Variants in SLIT3 observed in about 807,000 individuals in gnomAD.
SLIT3 encodes the protein slit guidance ligand 3, also known as slit homolog 3 protein.
In SLIT3, 68 loss-of-function variants were observed where a neutral mutation model predicts 184.0. The observed-to-expected ratio is 0.37, with a 90% CI of 0.30 to 0.45. The LOEUF (loss-of-function observed/expected upper bound fraction) is 0.45, where lower values mean the gene tolerates loss of function less well. SLIT3 is among the 20% of genes least tolerant of loss of function. SLIT3 has a pLI of 1.00. For synonymous variants in SLIT3, 831 were observed against 828.6 expected (o/e 1.00, Z -0.05); for missense variants, 1,707 against 2,026.0 (o/e 0.84, Z 3.02).
At chr5:168,711,785 A>T (rs1186587003) in intron 24 of SLIT3, among the ~76,000 whole-genome samples, 3 of 152,192 alleles carry the variant, frequency 2.0e-5, no homozygotes, top group Non-Finnish European at 4.4e-5. Flanking sequence ...CCTGATAGTC[A>T]AACTTTAGCT....
rs144640319 is a variant in SLIT3 at position 168,891,066 on chromosome 5, G to A, written c.414-7730C>T. Among the ~76,000 whole-genome samples, 880 of 152,260 alleles carry A rather than the reference G, an allele frequency of 5.8e-3. 9 individuals carry two copies. The highest frequency in any genetic ancestry group is 0.02 in the African/African-American group (843 of 41,558). ...TAGGCATCAGAGATAATGGACAAGC[G>A]AGTGCTTTCTAAACTCTTATGCAGT... is the stretch of plus-strand genomic sequence containing the variant. On this transcript the variant is annotated intron_variant, in intron 4 of 35. Transcript: ENST00000519560.
At chr5:169,182,165 G>T (rs942180489) in intron 4 of SLIT3, among the ~76,000 whole-genome samples, 1 of 152,032 alleles carries the variant, frequency 6.6e-6, no homozygotes, top group Non-Finnish European at 1.5e-5. Context: ...CCATAAGTAG[G>T]GTGAGGAGAA....
At chr5:168,669,328 G>A (rs1582508519) in intron 35 of SLIT3, among the ~76,000 whole-genome samples, 1 of 152,190 alleles carries the variant, frequency 6.6e-6, no homozygotes, top group African/African-American at 2.4e-5. Flanking sequence ...GACCCTCAAA[G>A]AGCCTGTGTA....
At chr5:168,755,413 CTT>C (rs201247958) in intron 16 of SLIT3, among the ~76,000 whole-genome samples, 3 of 25,484 alleles carry the variant, frequency 1.2e-4, no homozygotes, top group African/African-American at 6.5e-4. Context: ...TTCTTTCTTT[CTT>C]TCTTTCTTTC....
intron 4 of SLIT3, among the ~76,000 whole-genome samples, chr5:168,930,865 G>T (rs1341245079): frequency 6.6e-6 from 1 of 151,774 alleles, no homozygotes; most frequent in Non-Finnish European, 1.5e-5. Flanking sequence ...GGTGCCACAT[G>T]CCATGAGTGA....
intron 12 of SLIT3, among the ~76,000 whole-genome samples, chr5:168,782,568 G>A (rs1756012643): frequency 2.0e-5 from 3 of 152,210 alleles, no homozygotes; most frequent in South Asian, 2.1e-4. Context: ...AGGTAGAGGA[G>A]CAAGACCATT....
At chr5:168,984,643 G>A (rs1185955362) in intron 4 of SLIT3, among the ~76,000 whole-genome samples, 1 of 152,086 alleles carries the variant, frequency 6.6e-6, no homozygotes, top group Non-Finnish European at 1.5e-5. Flanking sequence ...AAAACCACTT[G>A]TGCCCTACTT....
At position 168,785,835 on chromosome 5, in the gene SLIT3, T is replaced by C. The variant is rs770274767; in HGVS notation, c.1151+72A>G. ...AAAGTCAAAAGAACTCTCCAGAGCA[T>C]GGCTCAACGTTTTCAGGTGGGAGCC... On this transcript the variant is annotated intron_variant, in intron 12 of 35. Coordinates refer to ENST00000519560, the MANE Select transcript of SLIT3 (RefSeq NM_003062.4). The C allele has an allele frequency of 4.5e-6, 5 of 1,106,362 alleles. No homozygotes were observed. The South Asian group carries it at 6.3e-5, about 14-fold the overall frequency. 68.5% of individuals were successfully genotyped at this position (1,106,362 alleles called of 1,614,324 possible). A position where few individuals can be genotyped will look rare whatever the true frequency, so the allele number is the denominator to read the frequency against.
At chr5:169,163,476 T>A (rs79089910) in intron 4 of SLIT3, among the ~76,000 whole-genome samples, 4,423 of 152,290 alleles carry the variant, frequency 0.029, 85 homozygotes, top group South Asian at 0.095. Flanking sequence ...ACACAGGCTT[T>A]CTGAGCCAGG....
chr5:168,673,895 C>G (rs952291229), intron 32 of SLIT3, among the ~76,000 whole-genome samples: 1 of 135,106 alleles, frequency 7.4e-6, no homozygotes, highest in Non-Finnish European at 1.6e-5. Flanking sequence ...ATTCCCAGAC[C>G]ACCTTCTCAA....
At chr5:169,220,043 G>T (rs1420288029) in intron 3 of SLIT3, among the ~76,000 whole-genome samples, 1 of 152,112 alleles carries the variant, frequency 6.6e-6, no homozygotes, top group Non-Finnish European at 1.5e-5. Flanking sequence ...CAATGATGGG[G>T]ATCCTGTCCC....
intron 5 of SLIT3, among the ~76,000 whole-genome samples, chr5:168,860,017 T>C (rs1357889772): frequency 1.3e-5 from 2 of 152,208 alleles, no homozygotes; most frequent in African/African-American, 4.8e-5. Flanking sequence ...AACATCACCG[T>C]TTGCCTTTAG....
intron 27 of SLIT3, among the ~76,000 whole-genome samples, chr5:168,699,884 G>A (rs1044938258): frequency 6.6e-6 from 1 of 152,140 alleles, no homozygotes; most frequent in Non-Finnish European, 1.5e-5. Context: ...AGTGCCAGAC[G>A]GGCAGTCTTT....
At chr5:168,895,177 C>G (rs996527582) in intron 4 of SLIT3, among the ~76,000 whole-genome samples, 5 of 152,170 alleles carry the variant, frequency 3.3e-5, no homozygotes, top group African/African-American at 1.2e-4. Context: ...TCAGCTTGAT[C>G]ATGAAGAAAG....
chr5:168,755,455 C>T (rs73308205), intron 16 of SLIT3, among the ~76,000 whole-genome samples: 13,239 of 111,994 alleles, frequency 0.12, 2,258 homozygotes, highest in African/African-American at 0.34. Flanking sequence ...CTTTTTGAGA[C>T]AGAATTTCTC....
At chr5:168,713,635 T>C (rs1334276700) in intron 23 of SLIT3, among the ~76,000 whole-genome samples, 1 of 152,214 alleles carries the variant, frequency 6.6e-6, no homozygotes, top group Non-Finnish European at 1.5e-5. Flanking sequence ...GAAGTACAGA[T>C]GGAATAATAA....
intron 4 of SLIT3, among the ~76,000 whole-genome samples, chr5:168,894,211 T>C (rs1036030764): frequency 1.3e-5 from 2 of 152,214 alleles, no homozygotes; most frequent in African/African-American, 4.8e-5. Context: ...AGTTTGGTTT[T>C]GGAAAGGTTG....
At chr5:168,749,362 C>T (rs920646017) in intron 19 of SLIT3, 110 bp downstream of exon 19, 2 of 1,324,302 alleles carry the variant, frequency 1.5e-6, no homozygotes, top group Admixed American at 1.8e-5. Flanking sequence ...CAGCTGCATG[C>T]CCAAAGCAAA....
intron 5 of SLIT3, among the ~76,000 whole-genome samples, chr5:168,855,935 C>T (rs1758848055): frequency 1.3e-5 from 2 of 152,022 alleles, no homozygotes; most frequent in South Asian, 4.1e-4. Flanking sequence ...GGTGAAACCC[C>T]ATCTCTACTA....
Sources: gnomAD v4.1 joint callset for allele counts (sites outside exome capture counted in the v4.1 genomes callset) on GRCh38, gnomAD v4.1.1 for gene constraint, MANE v1.5 for transcripts, NCBI Gene and HGNC (gene_info 2026-07-23, HGNC 2026-07-21) for gene names.